Variants in SYT16 observed in about 807,000 individuals in gnomAD.
SYT16 encodes synaptotagmin-16.
SYT16 carries 42 observed loss-of-function variants against 61.4 expected under a neutral mutation model. That is an observed-to-expected ratio of 0.68 (90% CI 0.53 to 0.89). The LOEUF is 0.89. Among genes scored for constraint, SYT16 ranks in the 40% least tolerant of loss-of-function variants. The probability of loss-of-function intolerance (pLI) is 0.00; values close to 1 mark genes in which losing one functional copy is unlikely to be tolerated. For synonymous variants in SYT16, 314 were observed against 302.3 expected, an observed-to-expected ratio of 1.04 and a Z score of -0.40; for missense variants, 804 against 807.3, an observed-to-expected ratio of 1.00 and a Z score of 0.05.
chr14:61,843,491 C>T (rs2046357083), intron 1 of SYT16, among the ~76,000 whole-genome samples: 1 of 152,154 alleles, frequency 6.6e-6, no homozygotes, highest in Non-Finnish European at 1.5e-5. Flanking sequence ...GGCCAATGTC[C>T]TGAAATGTTT....
At chr14:61,991,181 CT>C (rs1192729481) in intron 2 of SYT16, among the ~76,000 whole-genome samples, 2 of 152,048 alleles carry the variant, frequency 1.3e-5, no homozygotes, top group African/African-American at 4.8e-5. Flanking sequence ...CACACACCAT[CT>C]TTTTTTGTTG....
intron 3 of SYT16, among the ~76,000 whole-genome samples, chr14:61,997,464 C>T (rs909253312): frequency 6.6e-6 from 1 of 151,994 alleles, no homozygotes; most frequent in Non-Finnish European, 1.5e-5. Context: ...TTCCATGATT[C>T]CTATTAGCTT....
chr14:61,983,495 C>A (rs1394634285), intron 2 of SYT16, among the ~76,000 whole-genome samples: 9 of 152,044 alleles, frequency 5.9e-5, no homozygotes, highest in Admixed American at 6.6e-5. Context: ...GTTCTTGATA[C>A]TTTTGAACAA....
At chr14:62,086,231 C>A (rs781505575) in intron 7 of SYT16, among the ~76,000 whole-genome samples, 1 of 152,140 alleles carries the variant, frequency 6.6e-6, no homozygotes, top group African/African-American at 2.4e-5. Flanking sequence ...GTAATCCCAG[C>A]GCTTTGGGAG....
chr14:61,815,681 C>T (rs1474747746), intron 1 of SYT16, among the ~76,000 whole-genome samples: 1 of 152,128 alleles, frequency 6.6e-6, no homozygotes, highest in African/African-American at 2.4e-5. Context: ...TCGAGAGCTT[C>T]AACTAGGTTT....
intron 1 of SYT16, chr14:61,832,425 A>C (rs2045969101): frequency 2.2e-6 from 1 of 456,896 alleles, no homozygotes; most frequent in African/African-American, 2.0e-5. Context: ...CCGCGACCCC[A>C]GTAGTTCTTT....
In SYT16 at chr14:62,069,812, G is replaced by A. The variant is rs376796970; in HGVS notation, c.733G>A (p.Glu245Lys). The change falls in exon 4 of 8, where the codon GAA becomes AAA. Residue 245 changes from glutamate to lysine, a missense_variant. Coordinates refer to ENST00000683842, the MANE Select transcript of SYT16 (RefSeq NM_001367656.1). The stretch of plus-strand genomic sequence containing the variant: ...AGATGGCACAGAAGTATCTGCCTGC[G>A]AAGGTATCCTTTGCCTCACATCCTT... ...GEDGTEVSAC[E>K]DLDGASQRRY... The A allele has an allele frequency of 2.3e-5, 37 of 1,613,512 alleles. No individual in the cohort carries two copies. Among genetic ancestry groups the A allele is most frequent in the African/African-American group, 6.7e-5 (5 of 74,926 alleles).
At chr14:62,039,893 G>T (rs2054659276) in intron 3 of SYT16, among the ~76,000 whole-genome samples, 1 of 143,064 alleles carries the variant, frequency 7.0e-6, no homozygotes, top group African/African-American at 2.5e-5. Flanking sequence ...ATACACACTA[G>T]ATTTTACTGA....
intron 3 of SYT16, among the ~76,000 whole-genome samples, chr14:62,027,909 T>G (rs1417604114): frequency 6.6e-6 from 1 of 152,218 alleles, no homozygotes; most frequent in Non-Finnish European, 1.5e-5. Context: ...ATGTTGCTCA[T>G]TTTTATTGCA....
At chr14:61,906,743 A>ATCCT (rs148719025) in intron 1 of SYT16, among the ~76,000 whole-genome samples, 25,154 of 149,376 alleles carry the variant, frequency 0.17, 2,424 homozygotes, top group East Asian at 0.36. Flanking sequence ...CCATCCATCC[A>ATCCT]TCCATCCTTC....
At chr14:62,012,660 A>C (rs77322676) in intron 3 of SYT16, among the ~76,000 whole-genome samples, 1 of 152,146 alleles carries the variant, frequency 6.6e-6, no homozygotes, top group African/African-American at 2.4e-5. Flanking sequence ...GAGAAATTGC[A>C]CAAAAGGTGG....
At chr14:62,033,997 A>C (rs1490909557) in intron 3 of SYT16, among the ~76,000 whole-genome samples, 1 of 152,206 alleles carries the variant, frequency 6.6e-6, no homozygotes, top group Non-Finnish European at 1.5e-5. Context: ...GTAAAGAGTT[A>C]TTACAGCTAA....
intron 2 of SYT16, among the ~76,000 whole-genome samples, chr14:61,987,907 G>A (rs1426655742): frequency 1.3e-5 from 2 of 151,992 alleles, no homozygotes; most frequent in South Asian, 2.1e-4. Flanking sequence ...GCCTACTTTT[G>A]AGCCTAGTGC....
chr14:62,054,422 ATGATCATGG>A (rs2055453491), intron 3 of SYT16, among the ~76,000 whole-genome samples: 1 of 144,162 alleles, frequency 6.9e-6, no homozygotes, highest in African/African-American at 2.6e-5. Flanking sequence ...GTGCAGTGGC[ATGATCATGG>A]CTCACTGCAG....
chr14:61,921,587 A>G (rs992891140), intron 1 of SYT16, among the ~76,000 whole-genome samples: 3 of 152,140 alleles, frequency 2.0e-5, no homozygotes, highest in Non-Finnish European at 4.4e-5. Flanking sequence ...TTCCATATTG[A>G]CTGGTGTCAC....
At chr14:61,851,734 T>C (rs2046627030) in intron 1 of SYT16, among the ~76,000 whole-genome samples, 1 of 152,250 alleles carries the variant, frequency 6.6e-6, no homozygotes, top group Non-Finnish European at 1.5e-5. Context: ...TTCATGTCTT[T>C]TGCCCACTTT....
intron 1 of SYT16, among the ~76,000 whole-genome samples, chr14:61,843,273 C>A (rs1193233314): frequency 6.6e-6 from 1 of 152,202 alleles, no homozygotes; most frequent in Admixed American, 6.5e-5. Flanking sequence ...GCCATTTTAA[C>A]TGGAATGAGG....
At chr14:62,060,761 A>C (rs1441372434) in intron 3 of SYT16, among the ~76,000 whole-genome samples, 3 of 151,980 alleles carry the variant, frequency 2.0e-5, no homozygotes, top group Non-Finnish European at 4.4e-5. Flanking sequence ...TAATCATAAG[A>C]GATATTGGCA....
intron 3 of SYT16, among the ~76,000 whole-genome samples, chr14:62,043,407 C>CT (rs1203186408): frequency 0.2 from 23,970 of 122,518 alleles, 2,789 homozygotes; most frequent in African/African-American, 0.26. Flanking sequence ...ATTTTTCTTT[C>CT]TTTTTTTTTT....
Sources: allele counts gnomAD v4.1 joint callset (sites outside exome capture counted in the v4.1 genomes callset), GRCh38; gene constraint gnomAD v4.1.1; transcripts MANE v1.5; gene names NCBI Gene and HGNC (gene_info 2026-07-23, HGNC 2026-07-21).